The following PSD3 variants were observed in gnomAD, a reference collection of about 807,000 sequenced individuals.
The protein encoded by PSD3 is PH and SEC7 domain-containing protein 3.
Under a neutral mutation model 105.5 loss-of-function variants are expected in PSD3, and 49 were observed. The observed-to-expected ratio is 0.46, with a 90% CI of 0.37 to 0.59. The LOEUF is 0.59. Ranked by LOEUF, PSD3 falls within the 20% of genes least tolerant of loss-of-function variation. PSD3 has a pLI of 0.00. For synonymous variants in PSD3, 557 were observed against 457.8 expected, an observed-to-expected ratio of 1.22 and a Z score of -2.77; for missense variants, 1,561 against 1,263.8, an observed-to-expected ratio of 1.24 and a Z score of -3.57.
At chr8:18,784,486 C>T (rs942738096) in intron 8 of PSD3, among the ~76,000 whole-genome samples, 6 of 152,166 alleles carry the variant, frequency 3.9e-5, no homozygotes, top group Admixed American at 1.3e-4. Flanking sequence ...ATTTCATGAG[C>T]TCATACAGGT....
At chr8:19,021,304 C>A (rs1195513609) in intron 1 of PSD3, among the ~76,000 whole-genome samples, 1 of 152,194 alleles carries the variant, frequency 6.6e-6, no homozygotes, top group Non-Finnish European at 1.5e-5. Context: ...GCAATCATCA[C>A]TTCTCTTTTT....
At chr8:18,917,246 T>C (rs1244829817) in intron 2 of PSD3, among the ~76,000 whole-genome samples, 1 of 152,248 alleles carries the variant, frequency 6.6e-6, no homozygotes, top group African/African-American at 2.4e-5. Flanking sequence ...ATTCCTGCAC[T>C]ACTTTCAGGC....
At position 18,572,613 on chromosome 8, in the gene PSD3, G is replaced by A. The variant is rs760961452; in HGVS notation, c.2699C>T (p.Ser900Phe). 6.2e-7 allele frequency: 1 copy of A among 1,614,082 alleles called. No individual in the cohort carries two copies. Among genetic ancestry groups the A allele is most frequent in the Non-Finnish European group, 8.5e-7 (1 of 1,179,946 alleles). Residue 900 changes from serine to phenylalanine, a missense_variant, in exon 14 of 16, where the codon TCT becomes TTT. Transcript: ENST00000327040. ...NKINCVAAVF[S>F]APPFPAAIGS... ...GATTGCTGCTGGAAATGGTGGTGCA[G>A]AAAATACAGCTGCCACACAATTGAT...
intron 9 of PSD3, among the ~76,000 whole-genome samples, chr8:18,661,258 G>A (rs143012692): frequency 5.3e-5 from 8 of 152,196 alleles, no homozygotes; most frequent in African/African-American, 1.9e-4. Flanking sequence ...GACAGTGACC[G>A]CAGTGGAATT....
chr8:18,847,036 T>A (rs918492861), intron 4 of PSD3, among the ~76,000 whole-genome samples: 2 of 152,156 alleles, frequency 1.3e-5, no homozygotes, highest in African/African-American at 4.8e-5. Context: ...ACCCATGTCC[T>A]GGATAAGCAA....
intron 6 of PSD3, 45 bp downstream of exon 6, chr8:18,804,477 A>C (rs756069655): frequency 2.7e-6 from 4 of 1,475,054 alleles, no homozygotes; most frequent in Non-Finnish European, 3.8e-6. Context: ...TCTAAGAACT[A>C]ATCATTTGAA....
At chr8:18,815,428 A>T (rs1419824450) in intron 4 of PSD3, among the ~76,000 whole-genome samples, 3 of 151,610 alleles carry the variant, frequency 2.0e-5, no homozygotes, top group African/African-American at 7.3e-5. Context: ...CCTGCCTCAG[A>T]CTCCCGAGTA....
intron 4 of PSD3, chr8:18,808,705 G>C: frequency 6.2e-7 from 1 of 1,611,686 alleles, no homozygotes; most frequent in Non-Finnish European, 8.5e-7. Context: ...AACCGGAATT[G>C]CTCCTTTTAA....
chr8:18,639,605 G>A (rs1807497933), intron 10 of PSD3, among the ~76,000 whole-genome samples: 1 of 152,118 alleles, frequency 6.6e-6, no homozygotes, highest in African/African-American at 2.4e-5. Context: ...CACACATACA[G>A]AAGGAAGACC....
intron 11 of PSD3, among the ~76,000 whole-genome samples, chr8:18,604,256 C>T (rs996577246): frequency 6.6e-6 from 1 of 152,184 alleles, no homozygotes; most frequent in Non-Finnish European, 1.5e-5. Flanking sequence ...GAGGAACTTA[C>T]TGGGAACTGG....
chr8:19,044,024 G>C (rs75541655), intron 1 of PSD3, among the ~76,000 whole-genome samples: 5,159 of 152,198 alleles, frequency 0.034, 285 homozygotes, highest in African/African-American at 0.12. Flanking sequence ...CCAGCCTCAG[G>C]ACTGTGCTCT....
intron 9 of PSD3, among the ~76,000 whole-genome samples, chr8:18,732,507 C>A (rs1213273368): frequency 6.6e-6 from 1 of 152,236 alleles, no homozygotes; most frequent in African/African-American, 2.4e-5. Flanking sequence ...CCGAGCTGAC[C>A]TGGGGCTGGA....
At chr8:18,585,882 G>T (rs978417573) in intron 12 of PSD3, among the ~76,000 whole-genome samples, 1 of 152,074 alleles carries the variant, frequency 6.6e-6, no homozygotes, top group Non-Finnish European at 1.5e-5. Context: ...TGACAGACTT[G>T]GAGTTTGACA....
chr8:18,954,519 C>G (rs1823437632), intron 1 of PSD3, among the ~76,000 whole-genome samples: 1 of 152,144 alleles, frequency 6.6e-6, no homozygotes, highest in South Asian at 2.1e-4. Flanking sequence ...GTTCCCTAAT[C>G]TAGAAGCAAT....
intron 9 of PSD3, among the ~76,000 whole-genome samples, chr8:18,702,466 G>T (rs1030886672): frequency 7.9e-5 from 12 of 152,050 alleles, no homozygotes; most frequent in Non-Finnish European, 1.6e-4. Flanking sequence ...CGTACTTTAG[G>T]GGTATGTGTG....
intron 1 of PSD3, among the ~76,000 whole-genome samples, chr8:18,943,158 G>C (rs369737013): frequency 6.6e-6 from 1 of 152,122 alleles, no homozygotes; most frequent in African/African-American, 2.4e-5. Context: ...CAACAAAGGA[G>C]GCATGGTGAA....
At chr8:18,752,638 A>G (rs1805692319) in intron 9 of PSD3, among the ~76,000 whole-genome samples, 1 of 91,914 alleles carries the variant, frequency 1.1e-5, no homozygotes, top group Non-Finnish European at 1.9e-5. Flanking sequence ...TATATAATAT[A>G]TATAATATAT....
At chr8:18,873,432 A>G (rs1817523850) in intron 2 of PSD3, among the ~76,000 whole-genome samples, 1 of 151,278 alleles carries the variant, frequency 6.6e-6, no homozygotes, top group Non-Finnish European at 1.5e-5. Flanking sequence ...GTTTGTTTAT[A>G]TATCTAGATA....
chr8:18,962,704 G>C (rs887529469), intron 1 of PSD3, among the ~76,000 whole-genome samples: 1 of 152,218 alleles, frequency 6.6e-6, no homozygotes, highest in African/African-American at 2.4e-5. Context: ...GAGAGCTTTT[G>C]TTGTTTTAAA....
Sources: gnomAD v4.1 joint callset for allele counts (sites outside exome capture counted in the v4.1 genomes callset) on GRCh38, gnomAD v4.1.1 for gene constraint, MANE v1.5 for transcripts, NCBI Gene and HGNC (gene_info 2026-07-23, HGNC 2026-07-21) for gene names.